Variants in NHSL1 observed in about 807,000 individuals in gnomAD.
NHSL1 encodes NHS-like protein 1.
NHSL1 carries 48 observed loss-of-function variants against 95.0 expected under a neutral mutation model. The observed-to-expected ratio is 0.51, with a 90% CI of 0.40 to 0.64. The LOEUF (loss-of-function observed/expected upper bound fraction) is 0.64. NHSL1 is among the 30% of genes least tolerant of loss of function. NHSL1 has a pLI of 0.00. For missense variants in NHSL1, 1,971 were observed against 2,077.7 expected, an observed-to-expected ratio of 0.95 and a Z score of 1.00; for synonymous variants, 783 against 833.9, an observed-to-expected ratio of 0.94 and a Z score of 1.05.
At position 138,560,506 on chromosome 6, in the gene NHSL1, T is replaced by C. The variant is rs371180572; in HGVS notation, c.202+11204A>G. On this transcript the variant is annotated intron_variant, in intron 1 of 6. Transcript: ENST00000427025. ...AAAAAATATTTGAAACATCTTTTTA[T>C]AATGGGAATAGAGTGTGTTGAAGAA... Among the ~76,000 whole-genome samples the C allele has an allele frequency of 2.0e-4, 30 of 152,330 alleles. 1 individual carries two copies. The East Asian group carries it at 5.2e-3, about 26-fold the overall frequency.
intron 3 of NHSL1, 25 bp downstream of exon 3, chr6:138,473,281 C>A: frequency 1.3e-6 from 2 of 1,513,720 alleles, no homozygotes; most frequent in South Asian, 1.3e-5. Flanking sequence ...CAACCCAGGA[C>A]CCCGTGTTGA....
At chr6:138,459,112 C>T (rs747799027) in intron 3 of NHSL1, among the ~76,000 whole-genome samples, 12 of 151,994 alleles carry the variant, frequency 7.9e-5, no homozygotes, top group Non-Finnish European at 1.5e-4. Flanking sequence ...CTCAGCCTGC[C>T]GAGTAGCTGG....
chr6:138,429,319 G>A (rs1236040066), intron 7 of NHSL1, among the ~76,000 whole-genome samples: 1 of 152,152 alleles, frequency 6.6e-6, no homozygotes, highest in Non-Finnish European at 1.5e-5. Context: ...TAGGAAGAGA[G>A]TCCCATGGAG....
At chr6:138,476,583 A>G (rs1779082831) in intron 2 of NHSL1, among the ~76,000 whole-genome samples, 1 of 151,962 alleles carries the variant, frequency 6.6e-6, no homozygotes, top group Admixed American at 6.6e-5. Flanking sequence ...TCCAAGCACT[A>G]TGGGAGGCCG....
chr6:138,452,216 A>G (rs1380564500), intron 3 of NHSL1, among the ~76,000 whole-genome samples: 1 of 152,174 alleles, frequency 6.6e-6, no homozygotes, highest in Non-Finnish European at 1.5e-5. Flanking sequence ...AGAAAGGGAG[A>G]GAAACAGGCA....
chr6:138,499,398 C>A lies in NHSL1; in HGVS notation c.-108G>T. 6.7e-7 allele frequency: 1 copy of A among 1,491,718 alleles called. No homozygotes were observed. The highest frequency in any genetic ancestry group is 9.0e-7 in the Non-Finnish European group (1 of 1,115,490). 92.4% of individuals were successfully genotyped at this position (1,491,718 alleles called of 1,614,324 possible). On this transcript the variant is annotated 5_prime_UTR_variant, in exon 1 of 8. The change creates a premature stop within an existing upstream ORF in the 5' untranslated region. Transcript: ENST00000343505. ...CTGCTACAGATTCTAACTTTTTCTT[C>A]CCCCGGTCTCATATCCTTAGACATC...
At chr6:138,674,105 T>A (rs978414539) in intron 1 of NHSL1, among the ~76,000 whole-genome samples, 1 of 152,188 alleles carries the variant, frequency 6.6e-6, no homozygotes, top group African/African-American at 2.4e-5. Flanking sequence ...TACATGAAAA[T>A]AATCATTTCC....
At chr6:138,466,041 T>TGGGGGG (rs71009586) in intron 3 of NHSL1, among the ~76,000 whole-genome samples, 30 of 125,570 alleles carry the variant, frequency 2.4e-4, no homozygotes, top group African/African-American at 5.9e-4. Context: ...CACTCCTTTT[T>TGGGGGG]GGGGGGGGGG....
At chr6:138,441,395 A>T (rs906461265) in intron 5 of NHSL1, among the ~76,000 whole-genome samples, 9 of 152,236 alleles carry the variant, frequency 5.9e-5, no homozygotes, top group Non-Finnish European at 1.0e-4. Flanking sequence ...TAATTAAACA[A>T]CCCTCTTCAC....
At chr6:138,662,080 T>C (rs569419108) in intron 1 of NHSL1, among the ~76,000 whole-genome samples, 8 of 150,550 alleles carry the variant, frequency 5.3e-5, no homozygotes, top group Admixed American at 1.3e-4. Context: ...CTCTAAAAAA[T>C]AGTAATAACA....
intron 1 of NHSL1, among the ~76,000 whole-genome samples, chr6:138,626,113 A>G (rs1022965325): frequency 6.6e-6 from 1 of 152,226 alleles, no homozygotes; most frequent in Non-Finnish European, 1.5e-5. Context: ...CTGTCTCTGG[A>G]CAGCTTGGTT....
At chr6:138,498,543 C>A (rs1490947507) in intron 1 of NHSL1, among the ~76,000 whole-genome samples, 1 of 152,078 alleles carries the variant, frequency 6.6e-6, no homozygotes, top group African/African-American at 2.4e-5. Context: ...CTAAACTAAA[C>A]TAAAATAAAA....
chr6:138,515,998 T>G (rs1781444379), intron 1 of NHSL1, among the ~76,000 whole-genome samples: 1 of 152,190 alleles, frequency 6.6e-6, no homozygotes, highest in African/African-American at 2.4e-5. Context: ...GGCTGGGAGT[T>G]GGAAACCACA....
chr6:138,574,682 AAAAAAG>A (rs1296697708), upstream of NHSL1, among the ~76,000 whole-genome samples: 3 of 144,930 alleles, frequency 2.1e-5, no homozygotes, highest in Admixed American at 6.7e-5. Context: ...CAAAAAAAAA[AAAAAAG>A]AAAAGAAAAA....
At chr6:138,618,765 G>A (rs767153078) in intron 1 of NHSL1, among the ~76,000 whole-genome samples, 17 of 152,150 alleles carry the variant, frequency 1.1e-4, no homozygotes, top group Admixed American at 2.6e-4. Context: ...GACTTGTACC[G>A]AGTGATCTGC....
intron 1 of NHSL1, among the ~76,000 whole-genome samples, chr6:138,589,176 T>C (rs182561422): frequency 3.2e-3 from 494 of 152,276 alleles, no homozygotes; most frequent in Non-Finnish European, 5.5e-3. Flanking sequence ...CAAGTATCCA[T>C]TAGCTTCAAC....
At position 138,437,389 on chromosome 6, in the gene NHSL1, CATAT is replaced by C. The variant is rs71547091; in HGVS notation, c.665-3713_665-3710del. 1.4e-3 allele frequency among the ~76,000 whole-genome samples: 104 copies of C among 73,300 alleles called. 6 individuals are homozygous for C. The highest frequency in any genetic ancestry group is 6.2e-3 in the South Asian group (14 of 2,262). 48.1% of individuals were successfully genotyped at this position (73,300 alleles called of 152,430 possible). The stretch of plus-strand genomic sequence containing the variant: ...ATATATATACACATATATATATACA[CATAT>C]ATATATATATACACACATATACACA... On this transcript the variant is annotated intron_variant, in intron 5 of 7. Transcript: ENST00000343505.
upstream of NHSL1, among the ~76,000 whole-genome samples, chr6:138,574,880 T>C (rs114607510): frequency 4.0e-3 from 615 of 151,858 alleles, 4 homozygotes; most frequent in African/African-American, 0.014. Flanking sequence ...TAAAAAATTA[T>C]ATATATGCTT....
chr6:138,575,246 A>C (rs955724603), upstream of NHSL1, among the ~76,000 whole-genome samples: 17 of 152,028 alleles, frequency 1.1e-4, no homozygotes, highest in Non-Finnish European at 2.2e-4. Context: ...CGCTTTCCTC[A>C]ACTCCCCCTC....
Sources: allele counts gnomAD v4.1 joint callset (sites outside exome capture counted in the v4.1 genomes callset), GRCh38; gene constraint gnomAD v4.1.1; transcripts MANE v1.5; gene names NCBI Gene and HGNC (gene_info 2026-07-23, HGNC 2026-07-21).